DLG2: variants seen among roughly 807,000 people sequenced by gnomAD.
DLG2 encodes disks large homolog 2.
Under a neutral mutation model 132.5 loss-of-function variants are expected in DLG2, and 45 were observed. That is an observed-to-expected ratio of 0.34 (90% confidence interval 0.27 to 0.44). The LOEUF (loss-of-function observed/expected upper bound fraction) is 0.44, where lower values mean the gene tolerates loss of function less well. Among genes scored for constraint, DLG2 ranks in the 20% least tolerant of loss-of-function variants. The pLI is 1.00. For synonymous variants in DLG2, 424 were observed against 419.6 expected, an observed-to-expected ratio of 1.01 and a Z score of -0.13; for missense variants, 1,045 against 1,196.9, an observed-to-expected ratio of 0.87 and a Z score of 1.87.
At chr11:85,553,541 A>G (rs556413102) in intron 3 of DLG2, among the ~76,000 whole-genome samples, 70 of 151,782 alleles carry the variant, frequency 4.6e-4, no homozygotes, top group African/African-American at 1.7e-3. Context: ...GAAGAATAAA[A>G]TAAGTACATT....
chr11:84,680,966 A>G (rs1429990549), intron 6 of DLG2, among the ~76,000 whole-genome samples: 1 of 152,182 alleles, frequency 6.6e-6, no homozygotes, highest in African/African-American at 2.4e-5. Context: ...CTCAACAAAC[A>G]TTTATCAAGC....
intron 7 of DLG2, among the ~76,000 whole-genome samples, chr11:84,283,318 G>A (rs902534749): frequency 3.0e-4 from 46 of 152,264 alleles, no homozygotes; most frequent in African/African-American, 1.0e-3. Context: ...TTGTGACCAT[G>A]GCCAAGTTCC....
rs75030316 is a variant in DLG2 at position 84,615,056 on chromosome 11, A to C, written c.358-80325T>G. ...CATTCAAGCAGGCACCCAATTCATAAGGATGATACAAATTCAATGGAATAT... is the reference window on the plus strand; with the variant it reads ...CATTCAAGCAGGCACCCAATTCATACGGATGATACAAATTCAATGGAATAT... On this transcript the variant is annotated intron_variant, in intron 6 of 27. Transcript: ENST00000376104. 2.5e-3 allele frequency among the ~76,000 whole-genome samples: 387 copies of C among 152,262 alleles called. 2 individuals are homozygous for C. The highest frequency in any genetic ancestry group is 8.7e-3 in the African/African-American group (360 of 41,574).
intron 7 of DLG2, among the ~76,000 whole-genome samples, chr11:84,378,781 T>G (rs1165058006): frequency 8.4e-5 from 10 of 119,744 alleles, no homozygotes; most frequent in Admixed American, 5.9e-4. Flanking sequence ...ATACAAAAAA[T>G]ACAAAAAAAA....
chr11:85,187,519 A>G (rs1566982017), intron 4 of DLG2, among the ~76,000 whole-genome samples: 1 of 152,148 alleles, frequency 6.6e-6, no homozygotes, highest in Non-Finnish European at 1.5e-5. Flanking sequence ...AGGAAGTATA[A>G]AAACTAGACA....
rs2047822532 is a variant in DLG2 at position 84,929,281 on chromosome 11, T to C, written c.357+182380A>G. On this transcript the variant is annotated intron_variant, in intron 6 of 27. Transcript: ENST00000376104. ...AAGACCCCAGTGCCTATACAGTGGT[T>C]GATTAACTCTTTCACACAAAACAAT... Among the ~76,000 whole-genome samples, 5 of 151,790 alleles carry C rather than the reference T, an allele frequency of 3.3e-5. No homozygotes were observed. In the South Asian group the frequency reaches 1.0e-3, roughly 31 times the overall value.
intron 7 of DLG2, among the ~76,000 whole-genome samples, chr11:84,532,478 C>A (rs187681309): frequency 6.6e-6 from 1 of 151,922 alleles, no homozygotes; most frequent in South Asian, 2.1e-4. Flanking sequence ...AGAAAGGTGG[C>A]GAATTTTGTG....
intron 2 of DLG2, among the ~76,000 whole-genome samples, chr11:85,620,829 G>A (rs1202472287): frequency 1.3e-5 from 2 of 152,260 alleles, no homozygotes; most frequent in African/African-American, 4.8e-5. Context: ...GCAAGGTGAA[G>A]CAGCAAGTGC....
chr11:84,727,385 G>C (rs1458133905), intron 6 of DLG2, among the ~76,000 whole-genome samples: 1 of 152,110 alleles, frequency 6.6e-6, no homozygotes, highest in East Asian at 1.9e-4. Context: ...TGTCAGGTTT[G>C]TCAAAGATCT....
chr11:84,444,786 T>C (rs2154478964), intron 7 of DLG2, among the ~76,000 whole-genome samples: 1 of 151,034 alleles, frequency 6.6e-6, no homozygotes, highest in South Asian at 2.1e-4. Context: ...CAAAATGTCA[T>C]GTTATTATTG....
intron 10 of DLG2, among the ~76,000 whole-genome samples, chr11:84,092,708 A>G (rs2097110205): frequency 6.6e-6 from 1 of 152,126 alleles, no homozygotes; most frequent in Admixed American, 6.6e-5. Context: ...GTTTTTCATA[A>G]TGATTCCAGG....
intron 6 of DLG2, among the ~76,000 whole-genome samples, chr11:84,869,269 C>T (rs1053212157): frequency 6.6e-6 from 1 of 152,160 alleles, no homozygotes; most frequent in Admixed American, 6.5e-5. Flanking sequence ...TCTGTGGTGC[C>T]ATGGACCTTC....
chr11:83,805,323 A>G (rs113459388), intron 17 of DLG2, among the ~76,000 whole-genome samples: 3 of 152,072 alleles, frequency 2.0e-5, no homozygotes, highest in African/African-American at 7.2e-5. Context: ...TAGAATTATT[A>G]GCTGGTATTA....
At chr11:83,594,997 C>G (rs978914709) in intron 19 of DLG2, among the ~76,000 whole-genome samples, 3 of 152,164 alleles carry the variant, frequency 2.0e-5, no homozygotes, top group African/African-American at 7.2e-5. Flanking sequence ...AGTTTCTCAG[C>G]TTTTCACATT....
chr11:85,113,170 C>T (rs908361908), intron 5 of DLG2, among the ~76,000 whole-genome samples: 1 of 152,022 alleles, frequency 6.6e-6, no homozygotes, highest in Non-Finnish European at 1.5e-5. Context: ...AGAAGGTACA[C>T]TGGTCAGATA....
At chr11:83,744,974 G>A (rs17482520) in intron 18 of DLG2, among the ~76,000 whole-genome samples, 20,325 of 152,094 alleles carry the variant, frequency 0.13, 1,578 homozygotes, top group African/African-American at 0.2. Flanking sequence ...TTAATCCAGC[G>A]TGGCTCCAAG....
chr11:84,865,242 A>G (rs1221601945), intron 6 of DLG2, among the ~76,000 whole-genome samples: 1 of 152,224 alleles, frequency 6.6e-6, no homozygotes, highest in East Asian at 1.9e-4. Context: ...CATTTGTCTT[A>G]CTAAGGCTGG....
intron 3 of DLG2, among the ~76,000 whole-genome samples, chr11:85,318,294 C>T (rs1488448817): frequency 2.6e-5 from 4 of 151,820 alleles, no homozygotes; most frequent in Non-Finnish European, 4.4e-5. Context: ...CTACAATTTT[C>T]CAATGTGGCC....
At chr11:83,861,960 C>T (rs1313670758) in intron 16 of DLG2, among the ~76,000 whole-genome samples, 1 of 152,106 alleles carries the variant, frequency 6.6e-6, no homozygotes, top group East Asian at 1.9e-4. Flanking sequence ...ACATTGCATC[C>T]TTGTATCAAA....
Sources: allele counts gnomAD v4.1 joint callset (sites outside exome capture counted in the v4.1 genomes callset), GRCh38; gene constraint gnomAD v4.1.1; transcripts MANE v1.5; gene names NCBI Gene and HGNC (gene_info 2026-07-23, HGNC 2026-07-21).